UMAD1: variants seen among roughly 807,000 people sequenced by gnomAD.
The protein encoded by UMAD1 is UBAP1-MVB12-associated (UMA) domain containing 1, also known as UBAP1-MVB12-associated (UMA)-domain containing protein 1.
In UMAD1, 8 loss-of-function variants were observed where a neutral mutation model predicts 6.1. The ratio of observed to expected loss-of-function variants is 1.30; its 90% confidence interval spans 0.76 to 2.35. UMAD1 has a LOEUF of 2.35. UMAD1 is among the 30% of genes most tolerant of loss of function. UMAD1 has a pLI of 0.00. For missense variants in UMAD1, 130 were observed against 78.4 expected (o/e 1.66, Z -2.49); for synonymous variants, 56 against 31.4 (o/e 1.78, Z -2.61).
At chr7:7,663,074 C>A (rs1228949319) in intron 1 of UMAD1, among the ~76,000 whole-genome samples, 1 of 152,004 alleles carries the variant, frequency 6.6e-6, no homozygotes, top group African/African-American at 2.4e-5. Flanking sequence ...AGCACAGGCA[C>A]CCAAATGCGA....
chr7:7,685,409 A>G (rs1368760101), intron 2 of UMAD1, among the ~76,000 whole-genome samples: 1 of 151,224 alleles, frequency 6.6e-6, no homozygotes, highest in African/African-American at 2.4e-5. Flanking sequence ...TCATGGGTTC[A>G]AGCGATTCTC....
chr7:7,719,593 C>CTAT (rs1781003437), intron 2 of UMAD1, among the ~76,000 whole-genome samples: 1 of 152,090 alleles, frequency 6.6e-6, no homozygotes, highest in African/African-American at 2.4e-5. Context: ...TTCAAACCGA[C>CTAT]TGTATATTTT....
At chr7:7,733,468 A>G (rs1367404681) in intron 2 of UMAD1, among the ~76,000 whole-genome samples, 2 of 151,658 alleles carry the variant, frequency 1.3e-5, no homozygotes, top group Non-Finnish European at 2.9e-5. Flanking sequence ...GCAATTCCGT[A>G]CATTATAATT....
intron 2 of UMAD1, chr7:7,742,275 T>TCA (rs1781485210): frequency 1.5e-6 from 1 of 662,280 alleles, no homozygotes; most frequent in Non-Finnish European, 2.9e-6. Context: ...AGCGTGCTGT[T>TCA]GTCTTCTGTC....
intron 2 of UMAD1, among the ~76,000 whole-genome samples, chr7:7,677,902 T>C (rs1417678286): frequency 1.3e-5 from 2 of 151,672 alleles, no homozygotes; most frequent in African/African-American, 4.9e-5. Flanking sequence ...CTCGATCTCC[T>C]GACCTCGTGA....
At chr7:7,876,787 G>C (rs536316091) in intron 3 of UMAD1, among the ~76,000 whole-genome samples, 1 of 152,270 alleles carries the variant, frequency 6.6e-6, no homozygotes, top group East Asian at 1.9e-4. Context: ...GGACCCTATA[G>C]TCTAGTTGGA....
chr7:7,660,814 G>T (rs917357362), intron 1 of UMAD1, among the ~76,000 whole-genome samples: 3 of 152,162 alleles, frequency 2.0e-5, no homozygotes, highest in Non-Finnish European at 2.9e-5. Context: ...TCTTTGTGGT[G>T]TTCTCTGTAT....
intron 2 of UMAD1, chr7:7,736,558 C>T (rs900855915): frequency 6.6e-6 from 1 of 152,232 alleles, no homozygotes; most frequent in Non-Finnish European, 1.5e-5. Context: ...TCCATCAATG[C>T]AGGCCTCCTG....
At position 7,661,993 on chromosome 7, in the gene UMAD1, A is replaced by T. The variant is rs371969237; in HGVS notation, c.-63-11316A>T. ...TGACTGGGGCTGCTGCCTTTCTTTC[A>T]GAGATGCCCTACACAGAGAGGAGGA... On this transcript the variant is annotated intron_variant, in intron 1 of 3. Transcript: ENST00000682710. Among the ~76,000 whole-genome samples the T allele has an allele frequency of 1.5e-4, 23 of 152,236 alleles. No homozygotes were observed. In the East Asian group the frequency reaches 2.7e-3, roughly 18 times the overall value.
At chr7:7,742,408 C>T (rs564612433) in intron 2 of UMAD1, 8 of 584,218 alleles carry the variant, frequency 1.4e-5, no homozygotes, top group South Asian at 1.1e-4. Flanking sequence ...TCTTGGGCTG[C>T]TGGAAGGTGG....
intron 2 of UMAD1, among the ~76,000 whole-genome samples, chr7:7,765,811 G>A (rs1014699971): frequency 4.6e-5 from 7 of 152,098 alleles, no homozygotes; most frequent in Non-Finnish European, 5.9e-5. Context: ...CTACAGGCTT[G>A]TTTAGTAAGC....
intron 2 of UMAD1, among the ~76,000 whole-genome samples, chr7:7,713,575 C>T (rs1214920542): frequency 2.6e-5 from 4 of 151,802 alleles, no homozygotes; most frequent in African/African-American, 9.7e-5. Context: ...ATTTTATTTT[C>T]TGTTTCATCA....
At position 7,823,819 on chromosome 7, in the gene UMAD1, T is replaced by G. The variant is rs1001837564; in HGVS notation, c.156+22076T>G. Among the ~76,000 whole-genome samples, 5 of 152,150 alleles carry G rather than the reference T, an allele frequency of 3.3e-5. No homozygotes were observed. The South Asian group carries it at 1.0e-3, about 32-fold the overall frequency. ...CCTTTAGGTGAAAAATGCTTCCTTG[T>G]AAAGTGATAATATTGATTCGTAAAG... On this transcript the variant is annotated intron_variant, in intron 3 of 3. Coordinates refer to ENST00000682710, the MANE Select transcript of UMAD1 (RefSeq NM_001302348.2).
chr7:7,764,101 T>C (rs1781943129), intron 2 of UMAD1, among the ~76,000 whole-genome samples: 1 of 152,100 alleles, frequency 6.6e-6, no homozygotes, highest in African/African-American at 2.4e-5. Context: ...TGCTTAGTAG[T>C]AGTGAAAGGG....
chr7:7,849,801 T>TG (rs35139944), intron 3 of UMAD1, among the ~76,000 whole-genome samples: 75,999 of 151,728 alleles, frequency 0.5, 20,371 homozygotes, highest in African/African-American at 0.69. Context: ...GTGTAGAGAA[T>TG]GGGGTGAATG....
chr7:7,800,773 G>A (rs549528401), intron 2 of UMAD1, among the ~76,000 whole-genome samples: 1 of 152,160 alleles, frequency 6.6e-6, no homozygotes, highest in African/African-American at 2.4e-5. Flanking sequence ...CTCCAGTCAA[G>A]ACTCATGACT....
chr7:7,710,170 A>G (rs1199656667), intron 2 of UMAD1, among the ~76,000 whole-genome samples: 1 of 152,124 alleles, frequency 6.6e-6, no homozygotes, highest in Non-Finnish European at 1.5e-5. Flanking sequence ...ATATACCACA[A>G]TTTATATATC....
At chr7:7,742,129 C>T (rs1269070204) in intron 2 of UMAD1, 3 of 622,968 alleles carry the variant, frequency 4.8e-6, no homozygotes, top group Admixed American at 1.8e-5. Context: ...GCATCGTAAT[C>T]AGGAGGCAGT....
At chr7:7,866,467 C>T (rs1430624164) in intron 3 of UMAD1, among the ~76,000 whole-genome samples, 1 of 152,126 alleles carries the variant, frequency 6.6e-6, no homozygotes. Flanking sequence ...CTTGTGTGAC[C>T]TGGAAGGGCA....
Sources: allele counts gnomAD v4.1 joint callset (sites outside exome capture counted in the v4.1 genomes callset), GRCh38; gene constraint gnomAD v4.1.1; transcripts MANE v1.5; gene names NCBI Gene and HGNC (gene_info 2026-07-23, HGNC 2026-07-21).